The following RAD51B variants were observed in gnomAD, a reference collection of about 807,000 sequenced individuals.
The protein encoded by RAD51B is DNA repair protein RAD51 homolog 2.
Under a neutral mutation model 42.2 loss-of-function variants are expected in RAD51B, and 38 were observed. That is an observed-to-expected ratio of 0.90 (90% CI 0.70 to 1.18). The LOEUF is 1.18. Among genes scored for constraint, RAD51B ranks in the 50% most tolerant of loss-of-function variants. The pLI, the probability that RAD51B is intolerant of heterozygous loss-of-function variation, is 0.00. For synonymous variants in RAD51B, 154 were observed against 145.2 expected, an observed-to-expected ratio of 1.06 and a Z score of -0.43; for missense variants, 373 against 400.7, an observed-to-expected ratio of 0.93 and a Z score of 0.59.
chr14:67,823,468 A>C, intron 1 of RAD51B, 74 bp from the exon 2 acceptor site: 1 of 1,227,000 alleles, frequency 8.1e-7, no homozygotes, highest in Admixed American at 2.1e-5. Flanking sequence ...TGTTTTGGAT[A>C]GCCTATTCAC....
intron 8 of RAD51B, among the ~76,000 whole-genome samples, chr14:68,371,450 G>A (rs531741888): frequency 2.2e-4 from 33 of 152,246 alleles, no homozygotes; most frequent in East Asian, 7.7e-4. Flanking sequence ...CGCGGGAGGC[G>A]GAGGTTGCAG....
chr14:68,295,752 A>C (rs1469664303), intron 8 of RAD51B, among the ~76,000 whole-genome samples: 1 of 152,258 alleles, frequency 6.6e-6, no homozygotes, highest in African/African-American at 2.4e-5. Flanking sequence ...GTCAACTCAG[A>C]TCATTTTATC....
intron 8 of RAD51B, among the ~76,000 whole-genome samples, chr14:68,379,185 C>T (rs2083431448): frequency 6.6e-6 from 1 of 152,156 alleles, no homozygotes; most frequent in Admixed American, 6.5e-5. Context: ...GCTACTCTCA[C>T]CCAGTCCGGT....
rs185803505 is a variant in RAD51B, at chr14:68,408,169, G to T, written c.854-3255G>T. On this transcript the variant is annotated intron_variant, in intron 8 of 10. Coordinates refer to ENST00000471583, the MANE Select transcript of RAD51B (RefSeq NM_133510.4). ...ATGGAGAGTCAGGAATGGATCTAAG[G>T]GTGAGGTAGGAGAAATGAATGGATG... 1.2e-4 allele frequency among the ~76,000 whole-genome samples: 18 copies of T among 152,266 alleles called. No individual in the cohort carries two copies. In the East Asian group the frequency reaches 3.5e-3, roughly 29 times the overall value.
chr14:68,298,194 G>A (rs867211704), intron 8 of RAD51B, among the ~76,000 whole-genome samples: 6 of 151,540 alleles, frequency 4.0e-5, no homozygotes, highest in Non-Finnish European at 8.8e-5. Flanking sequence ...TATGTGAGTA[G>A]GGGAGGCTAG....
chr14:68,077,611 CA>C (rs1400941322), intron 7 of RAD51B, among the ~76,000 whole-genome samples: 15 of 152,150 alleles, frequency 9.9e-5, no homozygotes. Flanking sequence ...TCTCCCCAAA[CA>C]AACAAAAATA....
intron 3 of RAD51B, among the ~76,000 whole-genome samples, chr14:67,833,062 CACA>C (rs2041107324): frequency 6.6e-6 from 1 of 152,008 alleles, no homozygotes; most frequent in African/African-American, 2.4e-5. Context: ...TGTGGACAAA[CACA>C]ACACCAAGGA....
At position 68,574,584 on chromosome 14, in the gene RAD51B, C is replaced by G. The variant is rs529273156; in HGVS notation, c.1037-19901C>G. Among the ~76,000 whole-genome samples, 11 of 152,336 alleles carry G rather than the reference C, an allele frequency of 7.2e-5. No homozygotes were observed. In the East Asian group the frequency reaches 2.1e-3, roughly 29 times the overall value. ...GTATAGGGGCACCCAGAGGGCCAGC[C>G]CACCACACCTGGGGCCTCCACTTTG... On this transcript the variant is annotated intron_variant, in intron 10 of 10. Coordinates refer to the RAD51B transcript ENST00000487270.
chr14:67,998,360 G>A (rs188080984), intron 7 of RAD51B, among the ~76,000 whole-genome samples: 216 of 152,188 alleles, frequency 1.4e-3, no homozygotes, highest in Non-Finnish European at 2.6e-3. Context: ...CATCAGAATC[G>A]TCTATTTCGG....
chr14:68,052,372 CTT>C (rs796853850), intron 7 of RAD51B, among the ~76,000 whole-genome samples: 5 of 145,998 alleles, frequency 3.4e-5, no homozygotes, highest in African/African-American at 1.0e-4. Flanking sequence ...GGTATATTTA[CTT>C]TTTTTTTTTT....
chr14:68,001,567 G>C (rs1298044062), intron 7 of RAD51B, among the ~76,000 whole-genome samples: 2 of 152,168 alleles, frequency 1.3e-5, no homozygotes, highest in African/African-American at 2.4e-5. Context: ...GCTCAGGGGT[G>C]CATGTGCAGG....
chr14:68,147,501 T>G (rs2078276944), intron 7 of RAD51B, among the ~76,000 whole-genome samples: 1 of 152,296 alleles, frequency 6.6e-6, no homozygotes, highest in African/African-American at 2.4e-5. Context: ...TACTGTTTAA[T>G]CATTCCCTGA....
chr14:68,338,941 T>G (rs1281212245), intron 8 of RAD51B: 1 of 658,410 alleles, frequency 1.5e-6, no homozygotes, highest in Non-Finnish European at 2.8e-6. Flanking sequence ...CAGGTCTTCC[T>G]GTGGACTAGA....
In RAD51B at chr14:68,452,942, C is replaced by T. The variant is rs184740081; in HGVS notation, c.958-15230C>T. Among the ~76,000 whole-genome samples the T allele has an allele frequency of 7.2e-5, 11 of 152,174 alleles. No individual in the cohort carries two copies. In the East Asian group the frequency reaches 1.9e-3, roughly 27 times the overall value. ...TGTAATAATGATGATTGTACTTGAC[C>T]CCAAGCCTCCTTTTTTTAGCCCCCT... On this transcript the variant is annotated intron_variant, in intron 9 of 10. Coordinates refer to ENST00000471583, the MANE Select transcript of RAD51B (RefSeq NM_133510.4).
chr14:68,144,112 ACT>A (rs1264367387), intron 7 of RAD51B, among the ~76,000 whole-genome samples: 2 of 152,066 alleles, frequency 1.3e-5, no homozygotes, highest in African/African-American at 4.8e-5. Context: ...GAGCCTCTGT[ACT>A]CTCTCACAAG....
chr14:68,580,540 A>G (rs1369409939), intron 10 of RAD51B, among the ~76,000 whole-genome samples: 1 of 152,148 alleles, frequency 6.6e-6, no homozygotes, highest in Non-Finnish European at 1.5e-5. Context: ...TGGAAGAGAC[A>G]TTGTTATACA....
chr14:68,060,356 C>T (rs148968463), intron 7 of RAD51B, among the ~76,000 whole-genome samples: 7 of 152,266 alleles, frequency 4.6e-5, no homozygotes, highest in Middle Eastern at 3.4e-3. Flanking sequence ...GAATGCAGCA[C>T]AGGAAAGATA....
At chr14:68,580,789 T>C (rs1890176183) in intron 10 of RAD51B, among the ~76,000 whole-genome samples, 2 of 152,206 alleles carry the variant, frequency 1.3e-5, no homozygotes, top group South Asian at 2.1e-4. Flanking sequence ...CTAACCTCTC[T>C]TTAATCCTTT....
intron 9 of RAD51B, among the ~76,000 whole-genome samples, chr14:68,466,257 G>C (rs1193334454): frequency 6.6e-6 from 1 of 152,192 alleles, no homozygotes. Flanking sequence ...TGATGGGTTA[G>C]TTGGAAATGT....
Sources: gnomAD v4.1 joint callset for allele counts (sites outside exome capture counted in the v4.1 genomes callset) on GRCh38, gnomAD v4.1.1 for gene constraint, MANE v1.5 for transcripts, NCBI Gene and HGNC (gene_info 2026-07-23, HGNC 2026-07-21) for gene names.